The following SPRED2 variants were observed in gnomAD, a reference collection of about 807,000 sequenced individuals.
SPRED2 encodes sprouty related EVH1 domain containing 2, also known as sprouty-related, EVH1 domain-containing protein 2.
SPRED2 carries 47 observed loss-of-function variants against 43.0 expected under a neutral mutation model. That is an observed-to-expected ratio of 1.09 (90% CI 0.87 to 1.40). The LOEUF is 1.40. Ranked by LOEUF, SPRED2 falls within the 40% of genes most tolerant of loss-of-function variation. SPRED2 has a pLI of 0.00. For missense variants in SPRED2, 561 were observed against 586.4 expected (o/e 0.96, Z 0.45); for synonymous variants, 225 against 225.7 (o/e 1.00, Z 0.03).
chr2:65,407,983 T>A (rs968737223), intron 1 of SPRED2, among the ~76,000 whole-genome samples: 2 of 152,254 alleles, frequency 1.3e-5, no homozygotes, highest in African/African-American at 4.8e-5. Context: ...ATGGTCCCTG[T>A]GTAGAGAGGC....
intron 1 of SPRED2, among the ~76,000 whole-genome samples, chr2:65,400,753 C>CCTGAATCTGGAATCCAGAATT (rs1415135477): frequency 1.3e-5 from 2 of 152,088 alleles, no homozygotes; most frequent in Non-Finnish European, 2.9e-5. Flanking sequence ...CTGGTTCAGT[C>CCTGAATCTGGAATCCAGAATT]CTGAATCTGG....
At chr2:65,340,914 G>A (rs1339219773) in intron 2 of SPRED2, among the ~76,000 whole-genome samples, 1 of 152,072 alleles carries the variant, frequency 6.6e-6, no homozygotes, top group Admixed American at 6.5e-5. Context: ...TTAGAGGGGG[G>A]TTCCTCAATA....
At chr2:65,368,129 C>G (rs933017120) in intron 1 of SPRED2, among the ~76,000 whole-genome samples, 4 of 152,176 alleles carry the variant, frequency 2.6e-5, no homozygotes, top group African/African-American at 9.7e-5. Flanking sequence ...GCATGGCCCC[C>G]TTAGTCCTGA....
intron 4 of SPRED2, among the ~76,000 whole-genome samples, chr2:65,321,275 C>T (rs1005600726): frequency 4.6e-5 from 7 of 152,126 alleles, no homozygotes. Flanking sequence ...AGGTCTTGTG[C>T]ACTATGATGC....
chr2:65,320,246 T>C (rs940274459), intron 4 of SPRED2, among the ~76,000 whole-genome samples: 1 of 152,238 alleles, frequency 6.6e-6, no homozygotes, highest in Non-Finnish European at 1.5e-5. Flanking sequence ...CTCTCAGTAC[T>C]TAGTTCTCAG....
At chr2:65,327,389 G>C (rs1183924573) in intron 4 of SPRED2, among the ~76,000 whole-genome samples, 1 of 152,168 alleles carries the variant, frequency 6.6e-6, no homozygotes, top group Non-Finnish European at 1.5e-5. Context: ...CAAGTGGCAG[G>C]GGTTGCAAAA....
chr2:65,346,023 C>A (rs563428423), intron 1 of SPRED2, among the ~76,000 whole-genome samples: 5 of 152,200 alleles, frequency 3.3e-5, no homozygotes, highest in Non-Finnish European at 7.3e-5. Context: ...GGCGTTATAA[C>A]AGATTCTCAG....
chr2:65,413,490 C>A (rs914572469), intron 1 of SPRED2, among the ~76,000 whole-genome samples: 2 of 152,206 alleles, frequency 1.3e-5, no homozygotes, highest in Non-Finnish European at 2.9e-5. Flanking sequence ...AGAGAGGAAA[C>A]CCTCTGTGTT....
chr2:65,339,720 T>A (rs1332473034), intron 2 of SPRED2, among the ~76,000 whole-genome samples: 3 of 143,090 alleles, frequency 2.1e-5, no homozygotes, highest in Non-Finnish European at 4.5e-5. Flanking sequence ...AAAATAAAAT[T>A]AAAAAAAAAT....
chr2:65,332,571 T>C (rs1673844610), intron 3 of SPRED2, among the ~76,000 whole-genome samples: 1 of 152,222 alleles, frequency 6.6e-6, no homozygotes, highest in Non-Finnish European at 1.5e-5. Flanking sequence ...AATTCAGATG[T>C]TGTATTTCTA....
At position 65,432,077 on chromosome 2, in the gene SPRED2, G is replaced by A. The variant is rs1668876397; in HGVS notation, c.-90C>T. 2.6e-6 allele frequency: 4 copies of A among 1,544,020 alleles called. No individual in the cohort carries two copies. Among genetic ancestry groups the A allele is most frequent in the South Asian group, 2.3e-5 (2 of 88,514 alleles). ...CTCGCCCCCCTTCTTCACATCTCCGGAGATCGCCTGATTTGGGGAGGGGGG... is the reference window on the plus strand; with the variant it reads ...CTCGCCCCCCTTCTTCACATCTCCGAAGATCGCCTGATTTGGGGAGGGGGG... On this transcript the variant is annotated 5_prime_UTR_variant, in exon 1 of 6. Coordinates refer to ENST00000356388, the MANE Select transcript of SPRED2 (RefSeq NM_181784.3).
chr2:65,407,236 C>T (rs942826808), intron 1 of SPRED2, among the ~76,000 whole-genome samples: 20 of 127,118 alleles, frequency 1.6e-4, no homozygotes, highest in Non-Finnish European at 2.6e-4. Context: ...TCAAATGGGG[C>T]GCTGGCTCCT....
At chr2:65,315,906 C>A (rs890954922) in intron 5 of SPRED2, among the ~76,000 whole-genome samples, 1 of 152,254 alleles carries the variant, frequency 6.6e-6, no homozygotes, top group Non-Finnish European at 1.5e-5. Flanking sequence ...GATCCACCTG[C>A]CTCGGCCTCC....
intron 1 of SPRED2, chr2:65,373,971 T>C (rs759567996): frequency 2.0e-5 from 3 of 152,202 alleles, no homozygotes; most frequent in Non-Finnish European, 4.4e-5. Context: ...AAGAAAAACA[T>C]TCACCTGAAA....
intron 1 of SPRED2, among the ~76,000 whole-genome samples, chr2:65,398,748 G>C (rs953123735): frequency 2.0e-5 from 3 of 152,292 alleles, no homozygotes; most frequent in African/African-American, 7.2e-5. Context: ...GCTGAAAAGG[G>C]AACACTTTTA....
At chr2:65,400,069 A>G (rs1212850254) in intron 1 of SPRED2, among the ~76,000 whole-genome samples, 1 of 152,196 alleles carries the variant, frequency 6.6e-6, no homozygotes, top group Non-Finnish European at 1.5e-5. Context: ...TTCTCCAATG[A>G]AGTTACTGAT....
chr2:65,427,329 G>A (rs917821708), intron 1 of SPRED2, among the ~76,000 whole-genome samples: 2 of 152,080 alleles, frequency 1.3e-5, no homozygotes, highest in South Asian at 2.1e-4. Flanking sequence ...CTCCAGGCCT[G>A]GGTCTCCAGT....
At chr2:65,343,064 C>T (rs551450081) in intron 2 of SPRED2, among the ~76,000 whole-genome samples, 1 of 152,284 alleles carries the variant, frequency 6.6e-6, no homozygotes, top group Non-Finnish European at 1.5e-5. Context: ...AAACAGGCCA[C>T]TAAGAACAAG....
At chr2:65,399,476 G>A (rs1171051378) in intron 1 of SPRED2, among the ~76,000 whole-genome samples, 4 of 144,892 alleles carry the variant, frequency 2.8e-5, no homozygotes, top group Admixed American at 1.4e-4. Flanking sequence ...TCTGCCTCCC[G>A]GGTTCAAGTG....
Sources: gnomAD v4.1 joint callset for allele counts (sites outside exome capture counted in the v4.1 genomes callset) on GRCh38, gnomAD v4.1.1 for gene constraint, MANE v1.5 for transcripts, NCBI Gene and HGNC (gene_info 2026-07-23, HGNC 2026-07-21) for gene names.